CADM2: variants seen among roughly 807,000 people sequenced by gnomAD.
CADM2 encodes the protein cell adhesion molecule 2.
Under a neutral mutation model 49.8 loss-of-function variants are expected in CADM2, and 12 were observed. The ratio of observed to expected loss-of-function variants is 0.24; its 90% confidence interval spans 0.15 to 0.39. The LOEUF (loss-of-function observed/expected upper bound fraction) is 0.39. Ranked by LOEUF, CADM2 falls within the 10% of genes least tolerant of loss-of-function variation. The pLI is 1.00. For missense variants in CADM2, 378 were observed against 492.3 expected, an observed-to-expected ratio of 0.77 and a Z score of 2.20; for synonymous variants, 214 against 175.4, an observed-to-expected ratio of 1.22 and a Z score of -1.74.
At chr3:85,271,176 T>C (rs1397945092) in intron 1 of CADM2, among the ~76,000 whole-genome samples, 3 of 151,364 alleles carry the variant, frequency 2.0e-5, no homozygotes, top group South Asian at 2.1e-4. Context: ...ATGGAAAATA[T>C]GTAAGAGTGA....
intron 1 of CADM2, among the ~76,000 whole-genome samples, chr3:85,577,066 T>C (rs2062651866): frequency 1.3e-5 from 2 of 152,222 alleles, no homozygotes; most frequent in African/African-American, 4.8e-5. Flanking sequence ...GCAAACCTTC[T>C]ATATAGACAA....
At position 86,065,315 on chromosome 3, in the gene CADM2, T is replaced by C. The variant is rs529431228; in HGVS notation, c.971-290T>C. On this transcript the variant is annotated intron_variant, in intron 8 of 9. Transcript: ENST00000383699. ...ACACACACATATTTTCAGATGGAGG[T>C]GAGGAGGAAGGAAAGGTCTATAGCT... is the stretch of plus-strand genomic sequence containing the variant. Among the ~76,000 whole-genome samples the C allele has an allele frequency of 2.6e-5, 4 of 152,074 alleles. No homozygotes were observed. In the East Asian group the frequency reaches 7.7e-4, roughly 29 times the overall value.
At chr3:85,589,145 G>T (rs1360260821) in intron 1 of CADM2, among the ~76,000 whole-genome samples, 2 of 151,978 alleles carry the variant, frequency 1.3e-5, no homozygotes, top group Non-Finnish European at 2.9e-5. Flanking sequence ...ACACATGTTT[G>T]TGTGTGGGGA....
intron 1 of CADM2, among the ~76,000 whole-genome samples, chr3:85,047,803 A>C (rs1454341351): frequency 6.6e-6 from 1 of 152,152 alleles, no homozygotes; most frequent in Non-Finnish European, 1.5e-5. Flanking sequence ...AATAATCAAG[A>C]AGAATATGAC....
intron 1 of CADM2, among the ~76,000 whole-genome samples, chr3:85,255,554 T>G (rs1460836560): frequency 2.0e-5 from 3 of 151,922 alleles, no homozygotes; most frequent in Non-Finnish European, 4.4e-5. Context: ...AAAAAAAAAG[T>G]GATAATTAAA....
chr3:85,530,958 A>C (rs1254815291), intron 1 of CADM2, among the ~76,000 whole-genome samples: 1 of 151,748 alleles, frequency 6.6e-6, no homozygotes, highest in Non-Finnish European at 1.5e-5. Context: ...TAATATTCCC[A>C]AAACTCAGAT....
chr3:85,597,341 A>G (rs780781933), intron 1 of CADM2, among the ~76,000 whole-genome samples: 1 of 152,094 alleles, frequency 6.6e-6, no homozygotes, highest in African/African-American at 2.4e-5. Context: ...CAATAATGCA[A>G]GATAACTGCC....
chr3:85,978,827 A>AT (rs5850723), intron 8 of CADM2, among the ~76,000 whole-genome samples: 25,151 of 150,670 alleles, frequency 0.17, 2,100 homozygotes, highest in South Asian at 0.23. Context: ...AAAGCATGTC[A>AT]TTTTTTTTTA....
At chr3:85,091,344 C>A (rs1433816577) in intron 1 of CADM2, among the ~76,000 whole-genome samples, 1 of 151,974 alleles carries the variant, frequency 6.6e-6, no homozygotes, top group African/African-American at 2.4e-5. Flanking sequence ...AGCTTTATAG[C>A]AAACATAGCT....
At chr3:86,065,937 G>A (rs764892184) in intron 9 of CADM2, among the ~76,000 whole-genome samples, 1 of 152,010 alleles carries the variant, frequency 6.6e-6, no homozygotes, top group East Asian at 1.9e-4. Context: ...TTAGCCAATG[G>A]CCAGATGTCA....
At chr3:85,927,496 CTCT>C (rs1432925174) in intron 6 of CADM2, among the ~76,000 whole-genome samples, 2 of 152,094 alleles carry the variant, frequency 1.3e-5, no homozygotes, top group South Asian at 2.1e-4. Flanking sequence ...GGTACTAGCA[CTCT>C]TCTTTGTGTG....
At chr3:85,798,483 A>C (rs1418494265) in intron 2 of CADM2, among the ~76,000 whole-genome samples, 1 of 152,200 alleles carries the variant, frequency 6.6e-6, no homozygotes, top group African/African-American at 2.4e-5. Flanking sequence ...AGTTTTCTGC[A>C]TATGGCTAGC....
chr3:85,160,764 G>C (rs1040260007), intron 1 of CADM2, among the ~76,000 whole-genome samples: 4 of 152,132 alleles, frequency 2.6e-5, no homozygotes, highest in African/African-American at 9.7e-5. Context: ...GTCTTCCCAT[G>C]TAGGAATAAG....
intron 1 of CADM2, among the ~76,000 whole-genome samples, chr3:85,697,298 T>C (rs564517493): frequency 1.3e-5 from 2 of 152,112 alleles, no homozygotes; most frequent in South Asian, 4.1e-4. Context: ...TGTATTTATA[T>C]ATGTGATTTA....
At chr3:85,448,869 T>G (rs1211887015) in intron 1 of CADM2, among the ~76,000 whole-genome samples, 1 of 151,224 alleles carries the variant, frequency 6.6e-6, no homozygotes, top group Non-Finnish European at 1.5e-5. Context: ...GCTAACACGG[T>G]GAAACCCCGC....
intron 8 of CADM2, among the ~76,000 whole-genome samples, chr3:85,974,110 AAC>A (rs1726489366): frequency 6.6e-6 from 1 of 151,718 alleles, no homozygotes; most frequent in Non-Finnish European, 1.5e-5. Context: ...GGGAGAGGGA[AAC>A]ACATAAATAT....
chr3:85,560,304 A>G (rs1180537512), intron 1 of CADM2, among the ~76,000 whole-genome samples: 1 of 152,226 alleles, frequency 6.6e-6, no homozygotes, highest in East Asian at 1.9e-4. Context: ...ACTGAACCCA[A>G]GTTTCTGGCA....
intron 1 of CADM2, among the ~76,000 whole-genome samples, chr3:85,317,044 G>GAGT (rs2044481850): frequency 1.3e-5 from 2 of 152,072 alleles, no homozygotes; most frequent in Admixed American, 1.3e-4. Context: ...AGTAAACTTG[G>GAGT]AGTACCATGG....
intron 1 of CADM2, among the ~76,000 whole-genome samples, chr3:85,676,526 A>G (rs760152182): frequency 6.6e-6 from 1 of 152,180 alleles, no homozygotes; most frequent in South Asian, 2.1e-4. Context: ...GTAACATAGG[A>G]CAGACTGGTG....
Sources: allele counts gnomAD v4.1 joint callset (sites outside exome capture counted in the v4.1 genomes callset), GRCh38; gene constraint gnomAD v4.1.1; transcripts MANE v1.5; gene names NCBI Gene and HGNC (gene_info 2026-07-23, HGNC 2026-07-21).